The following SRD5A2 variants were observed in gnomAD, a reference collection of about 807,000 sequenced individuals.
The protein encoded by SRD5A2 is steroid 5 alpha-reductase 2, also known as 3-oxo-5-alpha-steroid 4-dehydrogenase 2.
A neutral mutation model predicts 27.4 loss-of-function variants in SRD5A2; 30 were observed. The observed-to-expected ratio is 1.10, with a 90% CI of 0.82 to 1.49. The LOEUF (loss-of-function observed/expected upper bound fraction) is 1.49, where lower values mean the gene tolerates loss of function less well. SRD5A2 is among the 40% of genes most tolerant of loss of function. SRD5A2 has a pLI of 0.00. For synonymous variants in SRD5A2, 141 were observed against 133.6 expected (o/e 1.06, Z -0.38); for missense variants, 348 against 323.4 (o/e 1.08, Z -0.58).
the SRD5A2 span, among the ~76,000 whole-genome samples, chr2:31,648,553 T>C: frequency 6.6e-6 from 1 of 152,208 alleles, no homozygotes; most frequent in Non-Finnish European, 1.5e-5. Context: ...GTGAGTCCCT[T>C]AGTTTCAGCC....
intron 1 of SRD5A2, among the ~76,000 whole-genome samples, chr2:31,569,381 C>T (rs1666803612): frequency 3.9e-5 from 6 of 152,166 alleles, no homozygotes; most frequent in Admixed American, 3.9e-4. Flanking sequence ...ATGAGAGTTC[C>T]AGCTCTTCCA....
Position 31,529,444 on chromosome 2 carries a change from C to A in SRD5A2, c.561G>T (p.Thr187=). The A allele has an allele frequency of 6.2e-7, 1 of 1,613,162 alleles. No homozygotes were observed. Among genetic ancestry groups the A allele is most frequent in the Non-Finnish European group, 8.5e-7 (1 of 1,179,622 alleles). ...SYRIPQGGLF[T]YVSGANFLGE... ...CGAGGAAATTGGCTCCAGAAACATA[C>A]GTAAACAAGCCACCTGCGTGCAGAA... Residue 187 remains threonine, a synonymous_variant, in exon 4 of 5, where the codon ACG becomes ACT. Coordinates refer to ENST00000622030, the MANE Select transcript of SRD5A2 (RefSeq NM_000348.4).
chr2:31,534,660 G>A (rs1371137814), intron 1 of SRD5A2, among the ~76,000 whole-genome samples: 1 of 152,126 alleles, frequency 6.6e-6, no homozygotes, highest in East Asian at 1.9e-4. Flanking sequence ...GCTCATGCTA[G>A]ACAACCACAC....
the SRD5A2 span, among the ~76,000 whole-genome samples, chr2:31,630,903 T>A: frequency 6.6e-6 from 1 of 152,148 alleles, no homozygotes; most frequent in Non-Finnish European, 1.5e-5. Flanking sequence ...AGATGGCTCC[T>A]CTCAGGTGAT....
At chr2:31,536,469 C>G (rs1166744793) in intron 1 of SRD5A2, among the ~76,000 whole-genome samples, 3 of 152,164 alleles carry the variant, frequency 2.0e-5, no homozygotes, top group African/African-American at 7.2e-5. Context: ...AATGACCATG[C>G]TTCAGGCTGG....
chr2:31,581,225 T>C (rs1667077185), upstream of SRD5A2, among the ~76,000 whole-genome samples: 1 of 152,182 alleles, frequency 6.6e-6, no homozygotes, highest in Non-Finnish European at 1.5e-5. Flanking sequence ...CGCATACTTC[T>C]GGAACTAAGA....
chr2:31,545,794 A>T (rs1283390029), intron 1 of SRD5A2, among the ~76,000 whole-genome samples: 1 of 152,210 alleles, frequency 6.6e-6, no homozygotes, highest in Non-Finnish European at 1.5e-5. Context: ...AGATGATATG[A>T]TCATGTGTCT....
chr2:31,568,039 G>A (rs1044463962), intron 1 of SRD5A2, among the ~76,000 whole-genome samples: 5 of 152,174 alleles, frequency 3.3e-5, no homozygotes, highest in Non-Finnish European at 5.9e-5. Context: ...CATAAGTGCC[G>A]GCTCCATGTG....
chr2:31,545,894 A>C (rs1666241298), intron 1 of SRD5A2, among the ~76,000 whole-genome samples: 2 of 152,166 alleles, frequency 1.3e-5, no homozygotes, highest in African/African-American at 4.8e-5. Flanking sequence ...GACACACAAA[A>C]ATCAGTTGCA....
the SRD5A2 span, among the ~76,000 whole-genome samples, chr2:31,617,382 T>C: frequency 2.0e-5 from 3 of 152,170 alleles, no homozygotes; most frequent in Non-Finnish European, 2.9e-5. Context: ...ATCTCTGGGC[T>C]GGTGATGGGA....
the SRD5A2 span, among the ~76,000 whole-genome samples, chr2:31,644,554 T>G: frequency 6.6e-6 from 1 of 152,292 alleles, no homozygotes; most frequent in South Asian, 2.1e-4. Context: ...TGTGAGAATC[T>G]AATGCGGCAG....
At chr2:31,534,051 G>A (rs1421076026) in intron 1 of SRD5A2, among the ~76,000 whole-genome samples, 1 of 152,062 alleles carries the variant, frequency 6.6e-6, no homozygotes, top group Non-Finnish European at 1.5e-5. Context: ...GAATTATCAT[G>A]ACAGAACAAC....
the SRD5A2 span, among the ~76,000 whole-genome samples, chr2:31,619,966 TG>T: frequency 6.6e-6 from 1 of 152,234 alleles, no homozygotes; most frequent in South Asian, 2.1e-4. Context: ...TGTCAATTTT[TG>T]TTCTTGTTAC....
the SRD5A2 span, among the ~76,000 whole-genome samples, chr2:31,593,149 T>C: frequency 6.6e-6 from 1 of 152,078 alleles, no homozygotes; most frequent in East Asian, 1.9e-4. Context: ...TTCGGAGATA[T>C]ACCTAATGCT....
intron 1 of SRD5A2, 88 bp downstream of exon 1, chr2:31,580,532 T>C: frequency 1.4e-6 from 2 of 1,399,368 alleles, no homozygotes; most frequent in Non-Finnish European, 9.3e-7. Context: ...CTCCTTGGCG[T>C]TCCTCGGTGC....
chr2:31,661,016 C>T, the SRD5A2 span, among the ~76,000 whole-genome samples: 1 of 152,096 alleles, frequency 6.6e-6, no homozygotes, highest in Non-Finnish European at 1.5e-5. Flanking sequence ...GGCAACAGCT[C>T]AAGTTAGTCA....
the SRD5A2 span, among the ~76,000 whole-genome samples, chr2:31,603,666 G>A: frequency 6.6e-6 from 1 of 152,074 alleles, no homozygotes; most frequent in Non-Finnish European, 1.5e-5. Context: ...TTTATAGATT[G>A]GATAAAGAAA....
At chr2:31,651,001 A>T in the SRD5A2 span, among the ~76,000 whole-genome samples, 1 of 152,240 alleles carries the variant, frequency 6.6e-6, no homozygotes, top group East Asian at 1.9e-4. Flanking sequence ...GACTAACTAT[A>T]GATCTCCACC....
At chr2:31,640,408 GT>G in the SRD5A2 span, among the ~76,000 whole-genome samples, 1 of 151,950 alleles carries the variant, frequency 6.6e-6, no homozygotes, top group Admixed American at 6.6e-5. Flanking sequence ...TTTCTTGTGA[GT>G]TTTTATTTAT....
Sources: allele counts gnomAD v4.1 joint callset (sites outside exome capture counted in the v4.1 genomes callset), GRCh38; gene constraint gnomAD v4.1.1; transcripts MANE v1.5; gene names NCBI Gene and HGNC (gene_info 2026-07-23, HGNC 2026-07-21).